Variants in DYRK1A observed in about 807,000 individuals in gnomAD.
DYRK1A encodes the protein dual specificity tyrosine-phosphorylation-regulated kinase 1A.
DYRK1A carries 9 observed loss-of-function variants against 79.7 expected under a neutral mutation model. The observed-to-expected ratio is 0.11, with a 90% CI of 0.07 to 0.20. The LOEUF (loss-of-function observed/expected upper bound fraction) is 0.20, where lower values mean the gene tolerates loss of function less well. Among genes scored for constraint, DYRK1A ranks in the 10% least tolerant of loss-of-function variants. The pLI is 1.00. For synonymous variants in DYRK1A, 349 were observed against 329.7 expected (o/e 1.06, Z -0.63); for missense variants, 622 against 956.0 (o/e 0.65, Z 4.61).
intron 5 of DYRK1A, among the ~76,000 whole-genome samples, chr21:37,482,226 T>TAA (rs1403203556): frequency 1.4e-4 from 19 of 140,056 alleles, no homozygotes; most frequent in African/African-American, 4.2e-4. Context: ...GTGTTCTGTA[T>TAA]TATCGGGGGA....
At chr21:37,500,928 TC>T (rs200920299) in intron 9 of DYRK1A, among the ~76,000 whole-genome samples, 3 of 150,736 alleles carry the variant, frequency 2.0e-5, no homozygotes, top group African/African-American at 7.3e-5. Context: ...TTTGTTGATT[TC>T]TTTTTTTTTT....
intron 1 of DYRK1A, among the ~76,000 whole-genome samples, chr21:37,395,881 A>G (rs1287527483): frequency 2.0e-5 from 3 of 152,148 alleles, no homozygotes; most frequent in Non-Finnish European, 4.4e-5. Flanking sequence ...GGATTTGGAA[A>G]CCTTTTGTCT....
chr21:37,383,931 A>C (rs1445016949), intron 1 of DYRK1A, among the ~76,000 whole-genome samples: 2 of 151,966 alleles, frequency 1.3e-5, no homozygotes, highest in South Asian at 2.1e-4. Context: ...GACTATTCTG[A>C]ATTTGCCTTC....
chr21:37,452,101 A>G (rs998411258), intron 2 of DYRK1A, among the ~76,000 whole-genome samples: 5 of 151,046 alleles, frequency 3.3e-5, no homozygotes, highest in Admixed American at 1.3e-4. Context: ...TAACCTGGGT[A>G]CTCTGGGTAT....
intron 2 of DYRK1A, 46 bp from the exon 3 acceptor site, chr21:37,472,638 A>G: frequency 7.0e-7 from 1 of 1,431,832 alleles, no homozygotes; most frequent in Non-Finnish European, 9.4e-7. Context: ...TGATACAAAC[A>G]TTAGGATATG....
In DYRK1A at chr21:37,479,606, G is replaced by GTTTT. The variant is rs1183029117; in HGVS notation, c.301-1030_301-1027dup. Among the ~76,000 whole-genome samples the GTTTT allele has an allele frequency of 3.0e-3, 83 of 27,576 alleles. 9 individuals carry two copies. Among genetic ancestry groups the GTTTT allele is most frequent in the East Asian group, 0.011 (10 of 878 alleles). The allele number at this position is 27,576 out of a possible 152,430, so 18.1% of individuals were successfully genotyped here. On this transcript the variant is annotated intron_variant, in intron 4 of 11. Coordinates refer to ENST00000647188, the MANE Select transcript of DYRK1A (RefSeq NM_001347721.2). ...GTGTTGGTGTTTTGTTTTTGTTTTTGTTTTTGTTTTTTGTTTTTTTTTTTT... is the reference window on the plus strand; with the variant it reads ...GTGTTGGTGTTTTGTTTTTGTTTTTGTTTTTTTTTGTTTTTTGTTTTTTTTTTTT...
At chr21:37,407,564 AAGGCATATAACC>A (rs1354063883) in intron 1 of DYRK1A, among the ~76,000 whole-genome samples, 1 of 152,220 alleles carries the variant, frequency 6.6e-6, no homozygotes, top group Non-Finnish European at 1.5e-5. Flanking sequence ...ACTCATAAGT[AAGGCATATAACC>A]TCTCTAGACC....
At chr21:37,457,954 T>G (rs1228039690) in intron 2 of DYRK1A, among the ~76,000 whole-genome samples, 1 of 152,228 alleles carries the variant, frequency 6.6e-6, no homozygotes, top group African/African-American at 2.4e-5. Flanking sequence ...AGTAACACCT[T>G]CAGACACTTC....
chr21:37,441,038 T>A (rs1323076920), intron 2 of DYRK1A, among the ~76,000 whole-genome samples: 1 of 151,436 alleles, frequency 6.6e-6, no homozygotes, highest in Non-Finnish European at 1.5e-5. Context: ...CGTTGTAGTT[T>A]TATCATTTTT....
intron 2 of DYRK1A, chr21:37,429,057 A>G (rs999594741): frequency 5.9e-5 from 9 of 152,170 alleles, no homozygotes; most frequent in Non-Finnish European, 1.0e-4. Context: ...GTAGAGATCC[A>G]TATTGCTAAT....
At chr21:37,366,229 G>A (rs931365171), upstream of DYRK1A, 1 of 150,266 alleles carries the variant, frequency 6.7e-6, no homozygotes, top group Admixed American at 6.6e-5. Context: ...GGCTTCCCGG[G>A]TCCCCGCCCG....
At chr21:37,487,177 G>A (rs552338571) in intron 6 of DYRK1A, 1 of 152,246 alleles carries the variant, frequency 6.6e-6, no homozygotes, top group Admixed American at 6.5e-5. Context: ...ATTTATAGCA[G>A]TCTTATAAGG....
At chr21:37,483,449 A>G (rs1393311654) in intron 5 of DYRK1A, among the ~76,000 whole-genome samples, 1 of 152,216 alleles carries the variant, frequency 6.6e-6, no homozygotes, top group Non-Finnish European at 1.5e-5. Context: ...TCACGTGTAT[A>G]TGTCTTCTTC....
intron 1 of DYRK1A, among the ~76,000 whole-genome samples, chr21:37,389,958 C>A (rs1161833285): frequency 6.7e-6 from 1 of 148,396 alleles, no homozygotes; most frequent in Admixed American, 6.7e-5. Context: ...GGGTGTTGCT[C>A]ACTTGCCTGG....
intron 5 of DYRK1A, among the ~76,000 whole-genome samples, chr21:37,482,014 T>C (rs1413036811): frequency 2.0e-5 from 3 of 152,200 alleles, no homozygotes; most frequent in African/African-American, 2.4e-5. Context: ...GAGATGGTTA[T>C]TAATCTGCAG....
chr21:37,459,545 G>A (rs2051769095), intron 2 of DYRK1A, among the ~76,000 whole-genome samples: 1 of 152,056 alleles, frequency 6.6e-6, no homozygotes, highest in Non-Finnish European at 1.5e-5. Flanking sequence ...GGTAGATTTT[G>A]TTTATTTAAT....
At chr21:37,365,629 G>T (rs919350220), upstream of DYRK1A, 2 of 152,178 alleles carry the variant, frequency 1.3e-5, no homozygotes, top group African/African-American at 4.8e-5. Context: ...TAGGGAGAAG[G>T]GGTAGGGAGA....
chr21:37,433,007 A>G (rs1212047354), intron 2 of DYRK1A, among the ~76,000 whole-genome samples: 1 of 149,010 alleles, frequency 6.7e-6, no homozygotes, highest in East Asian at 2.0e-4. Flanking sequence ...GATTAATTGT[A>G]TACTTAGAAA....
chr21:37,445,277 C>CTT (rs2051231307), intron 2 of DYRK1A, among the ~76,000 whole-genome samples: 1 of 152,208 alleles, frequency 6.6e-6, no homozygotes, highest in Non-Finnish European at 1.5e-5. Context: ...TTCAACAAAA[C>CTT]AGAATGCACA....
Sources: gnomAD v4.1 joint callset for allele counts (sites outside exome capture counted in the v4.1 genomes callset) on GRCh38, gnomAD v4.1.1 for gene constraint, MANE v1.5 for transcripts, NCBI Gene and HGNC (gene_info 2026-07-23, HGNC 2026-07-21) for gene names.